The following DCBLD2 variants were observed in gnomAD, a reference collection of about 807,000 sequenced individuals.
DCBLD2 encodes the protein discoidin, CUB and LCCL domain containing 2.
Under a neutral mutation model 86.8 loss-of-function variants are expected in DCBLD2, and 54 were observed. That is an observed-to-expected ratio of 0.62 (90% CI 0.50 to 0.78). The LOEUF (loss-of-function observed/expected upper bound fraction) is 0.78, where lower values mean the gene tolerates loss of function less well. DCBLD2 is among the 30% of genes least tolerant of loss of function. The probability of loss-of-function intolerance (pLI) is 0.00; values close to 1 mark genes in which losing one functional copy is unlikely to be tolerated. For missense variants in DCBLD2, 908 were observed against 954.2 expected (o/e 0.95, Z 0.64); for synonymous variants, 354 against 341.3 (o/e 1.04, Z -0.41).
At chr3:98,883,368 G>A (rs1281102813) in intron 1 of DCBLD2, among the ~76,000 whole-genome samples, 5 of 152,178 alleles carry the variant, frequency 3.3e-5, no homozygotes, top group Non-Finnish European at 7.4e-5. Context: ...CTTTTTAGTA[G>A]TTCCTCCCGC....
chr3:98,901,215 G>T lies in DCBLD2; in HGVS notation c.112C>A (p.Pro38Thr). The T allele has an allele frequency of 6.5e-7, 1 of 1,535,074 alleles. No individual in the cohort carries two copies. Among genetic ancestry groups the T allele is most frequent in the Non-Finnish European group, 8.7e-7 (1 of 1,145,896 alleles). ...AALPLSRSLP[P>T]CSNSSSFSMP... ...GAGAAGGAGGAGGAGTTGGAGCAGG[G>T]AGGGAGGGAGCGGGAGAGGGGGAGC... Residue 38 changes from proline (P) to threonine (T), a missense_variant, in exon 1 of 16, where the codon CCC becomes ACC. Pro to Thr is a conservative substitution (Grantham distance 38). Around this residue, in one of 3 missense-constraint regions of DCBLD2, gnomAD observed 294 missense variants for 256.0 expected, o/e 1.15. Transcript: ENST00000326840.
At chr3:98,801,298 G>T in intron 14 of DCBLD2, 1 of 353,188 alleles carries the variant, frequency 2.8e-6, no homozygotes, top group East Asian at 4.4e-5. Flanking sequence ...CAGTGTTCAC[G>T]TGGGCCACAG....
chr3:98,816,677 T>C (rs1942029015), intron 9 of DCBLD2, among the ~76,000 whole-genome samples: 1 of 152,112 alleles, frequency 6.6e-6, no homozygotes, highest in East Asian at 1.9e-4. Flanking sequence ...ATGAGAAAAG[T>C]AGTAATTGAA....
chr3:98,812,039 C>T (rs1372654213), intron 10 of DCBLD2, among the ~76,000 whole-genome samples: 1 of 152,154 alleles, frequency 6.6e-6, no homozygotes, highest in Non-Finnish European at 1.5e-5. Flanking sequence ...TATTACAGTA[C>T]ATGACACCTG....
At chr3:98,816,371 G>A (rs1942024012) in intron 9 of DCBLD2, 1 of 151,958 alleles carries the variant, frequency 6.6e-6, no homozygotes. Context: ...AGTTTTTATA[G>A]TATAAGCCTG....
rs573785796 is a variant in DCBLD2, at chr3:98,841,683, C to A, written c.571+7778G>T. Among the ~76,000 whole-genome samples, 8 of 152,286 alleles carry A rather than the reference C, an allele frequency of 5.3e-5. No individual in the cohort carries two copies. The South Asian group carries it at 1.7e-3, about 32-fold the overall frequency. The stretch of plus-strand genomic sequence containing the variant: ...CCCTCAGTAGTGTCAGTAGCCATCA[C>A]TTACCACAATAAGTTGGTATAATGA... On this transcript the variant is annotated intron_variant, in intron 3 of 15. Coordinates refer to ENST00000326840, the MANE Select transcript of DCBLD2 (RefSeq NM_080927.4).
At chr3:98,881,460 T>C in intron 2 of DCBLD2, 80 bp downstream of exon 2, 3 of 1,294,538 alleles carry the variant, frequency 2.3e-6, no homozygotes, top group Non-Finnish European at 3.3e-6. Context: ...CACTGCATGG[T>C]TATTTAATGT....
chr3:98,805,540 C>T (rs1266079054), intron 13 of DCBLD2, among the ~76,000 whole-genome samples: 2 of 152,176 alleles, frequency 1.3e-5, no homozygotes, highest in Non-Finnish European at 2.9e-5. Flanking sequence ...AGAATGAGCT[C>T]TGGATTCAAT....
intron 2 of DCBLD2, among the ~76,000 whole-genome samples, chr3:98,863,347 G>A (rs894763590): frequency 5.3e-5 from 8 of 152,070 alleles, no homozygotes; most frequent in Non-Finnish European, 7.4e-5. Context: ...TTTCTTCACA[G>A]AATTGGAAAA....
At chr3:98,849,166 T>C (rs534769671) in intron 3 of DCBLD2, among the ~76,000 whole-genome samples, 87 of 18,568 alleles carry the variant, frequency 4.7e-3, no homozygotes, top group African/African-American at 7.2e-3. Context: ...CAAAACTCTG[T>C]CTCAAAAAAA....
chr3:98,894,269 A>C (rs1480442737), intron 1 of DCBLD2, among the ~76,000 whole-genome samples: 1 of 152,140 alleles, frequency 6.6e-6, no homozygotes, highest in African/African-American at 2.4e-5. Flanking sequence ...TCCATTTCTC[A>C]TTACTTTTCT....
chr3:98,808,852 TA>T (rs1234501579), intron 12 of DCBLD2, among the ~76,000 whole-genome samples: 1 of 152,022 alleles, frequency 6.6e-6, no homozygotes, highest in Non-Finnish European at 1.5e-5. Flanking sequence ...TCTCAGAAAC[TA>T]AAAAAAGATG....
At chr3:98,868,082 C>T (rs972091928) in intron 2 of DCBLD2, among the ~76,000 whole-genome samples, 8 of 152,186 alleles carry the variant, frequency 5.3e-5, no homozygotes, top group South Asian at 2.1e-4. Flanking sequence ...GGATTACAGG[C>T]GTGAGCCACC....
chr3:98,895,587 C>T (rs1943738762), intron 1 of DCBLD2, among the ~76,000 whole-genome samples: 2 of 152,188 alleles, frequency 1.3e-5, no homozygotes, highest in South Asian at 4.1e-4. Flanking sequence ...CAATCTAAAA[C>T]CACTTTATCA....
chr3:98,834,487 A>G (rs1328536628), intron 3 of DCBLD2, among the ~76,000 whole-genome samples: 2 of 152,104 alleles, frequency 1.3e-5, no homozygotes, highest in Non-Finnish European at 2.9e-5. Flanking sequence ...AGTAACCACC[A>G]GTCTATTCTC....
intron 2 of DCBLD2, among the ~76,000 whole-genome samples, chr3:98,878,422 C>A (rs1438491612): frequency 2.0e-5 from 3 of 152,082 alleles, no homozygotes; most frequent in Admixed American, 2.0e-4. Flanking sequence ...ACATCAGAAA[C>A]ACAGAGAGAC....
At chr3:98,854,242 G>T (rs186547438) in intron 2 of DCBLD2, among the ~76,000 whole-genome samples, 1 of 152,128 alleles carries the variant, frequency 6.6e-6, no homozygotes, top group African/African-American at 2.4e-5. Flanking sequence ...TACCATAGAT[G>T]CTATCATTAA....
intron 2 of DCBLD2, among the ~76,000 whole-genome samples, chr3:98,869,358 T>C (rs911694100): frequency 6.6e-6 from 1 of 152,246 alleles, no homozygotes; most frequent in South Asian, 2.1e-4. Context: ...CTTTGTCAGA[T>C]GTATAGTTTA....
intron 3 of DCBLD2, among the ~76,000 whole-genome samples, chr3:98,835,924 TCCTTCCTTTCTTTC>T (rs1942433543): frequency 3.2e-5 from 1 of 31,392 alleles, no homozygotes; most frequent in Non-Finnish European, 6.5e-5. Context: ...CTTTCTTTCT[TCCTTCCTTTCTTTC>T]TTTTTTTTTT....
Sources: allele counts gnomAD v4.1 joint callset (sites outside exome capture counted in the v4.1 genomes callset), GRCh38; gene constraint gnomAD v4.1.1; regional missense constraint gnomAD v4.1.1; transcripts MANE v1.5; gene names NCBI Gene and HGNC (gene_info 2026-07-23, HGNC 2026-07-21).